Variants in ARHGAP15 observed in about 807,000 individuals in gnomAD.
ARHGAP15 encodes rho GTPase-activating protein 15.
Under a neutral mutation model 63.7 loss-of-function variants are expected in ARHGAP15, and 51 were observed. That is an observed-to-expected ratio of 0.80 (90% CI 0.64 to 1.01). The LOEUF (loss-of-function observed/expected upper bound fraction) is 1.01. Ranked by LOEUF, ARHGAP15 falls within the 50% of genes least tolerant of loss-of-function variation. ARHGAP15 has a pLI of 0.00. For missense variants in ARHGAP15, 560 were observed against 564.6 expected (o/e 0.99, Z 0.08); for synonymous variants, 191 against 193.8 (o/e 0.99, Z 0.12).
intron 6 of ARHGAP15, among the ~76,000 whole-genome samples, chr2:143,371,078 C>CT (rs1378349898): frequency 6.6e-6 from 1 of 152,136 alleles, no homozygotes; most frequent in Non-Finnish European, 1.5e-5. Flanking sequence ...ATTGTTTTGA[C>CT]TGTAGACACC....
intron 9 of ARHGAP15, among the ~76,000 whole-genome samples, chr2:143,502,123 G>A (rs1370578649): frequency 1.3e-5 from 2 of 152,066 alleles, no homozygotes; most frequent in African/African-American, 4.8e-5. Context: ...AAGACTTTGG[G>A]TTTGGCTGGG....
chr2:143,470,831 CAT>C (rs573629377), intron 8 of ARHGAP15, among the ~76,000 whole-genome samples: 14 of 147,580 alleles, frequency 9.5e-5, no homozygotes, highest in East Asian at 2.0e-4. Context: ...AACAGTTTCG[CAT>C]ATATATATAT....
At position 143,176,116 on chromosome 2, in the gene ARHGAP15, G is replaced by A. The variant is rs543012595; in HGVS notation, c.165+20461G>A. Among the ~76,000 whole-genome samples the A allele has an allele frequency of 3.9e-5, 6 of 152,116 alleles. No homozygotes were observed. The East Asian group carries it at 9.7e-4, about 24-fold the overall frequency. On this transcript the variant is annotated intron_variant, in intron 2 of 13. Transcript: ENST00000295095. Reference sequence around the variant, plus strand: ...CAAAGATTCCTTCAGATCAACAATTGGTCATGTGAGGAAGAGAGATGACTT... The same window carrying A: ...CAAAGATTCCTTCAGATCAACAATTAGTCATGTGAGGAAGAGAGATGACTT...
At position 143,743,361 on chromosome 2, in the gene ARHGAP15, C is replaced by G. The variant is rs531901646; in HGVS notation, c.1245-24628C>G. ...CTCCTTTAGAAGGGGGCTTCCCAGACAGTCATTAAGGTGTAGAGGTAGAAG... is the reference window on the plus strand; with the variant it reads ...CTCCTTTAGAAGGGGGCTTCCCAGAGAGTCATTAAGGTGTAGAGGTAGAAG... On this transcript the variant is annotated intron_variant, in intron 13 of 13. Coordinates refer to ENST00000295095, the MANE Select transcript of ARHGAP15 (RefSeq NM_018460.4). Among the ~76,000 whole-genome samples the G allele has an allele frequency of 3.3e-5, 5 of 152,286 alleles. No individual in the cohort carries two copies. In the East Asian group the frequency reaches 9.6e-4, roughly 29 times the overall value.
Position 143,652,692 on chromosome 2 carries a change from G to T in ARHGAP15, c.1138+28425G>T, listed in dbSNP as rs557105121. Among the ~76,000 whole-genome samples, 6 of 152,018 alleles carry T rather than the reference G, an allele frequency of 3.9e-5. No individual in the cohort carries two copies. In the South Asian group the frequency reaches 1.2e-3, roughly 32 times the overall value. On this transcript the variant is annotated intron_variant, in intron 12 of 13. Transcript: ENST00000295095. ...CATATTCTTAATTCTATTGTAAATT[G>T]TATCCTTATTTCATTTCCTGCTTGT...
chr2:143,687,837 C>G (rs1261590736), intron 12 of ARHGAP15, among the ~76,000 whole-genome samples: 2 of 152,096 alleles, frequency 1.3e-5, no homozygotes, highest in African/African-American at 4.8e-5. Context: ...ATCCATACTC[C>G]TATTATTTAA....
intron 12 of ARHGAP15, among the ~76,000 whole-genome samples, chr2:143,671,996 G>T (rs1291986999): frequency 6.6e-6 from 1 of 152,132 alleles, no homozygotes; most frequent in African/African-American, 2.4e-5. Flanking sequence ...AAGGTTTTAT[G>T]TATAAAACAG....
At chr2:143,139,820 G>A (rs1207681505) in intron 1 of ARHGAP15, among the ~76,000 whole-genome samples, 1 of 152,056 alleles carries the variant, frequency 6.6e-6, no homozygotes, top group Non-Finnish European at 1.5e-5. Context: ...AGCACAAGCT[G>A]GGAAGTCAGA....
chr2:143,516,999 G>C (rs1693852127), intron 9 of ARHGAP15, among the ~76,000 whole-genome samples: 2 of 152,106 alleles, frequency 1.3e-5, no homozygotes, highest in Non-Finnish European at 2.9e-5. Flanking sequence ...GCCAGGCCTG[G>C]AGGGCAGTGG....
At position 143,270,691 on chromosome 2, in the gene ARHGAP15, A is replaced by T. The variant is rs905716700; in HGVS notation, c.474+20091A>T. ...TAGTATTACTGTTTTAGTTATTTTA[A>T]ACATATAATTTATTATAACTACTAG... On this transcript the variant is annotated intron_variant, in intron 6 of 13. Transcript: ENST00000295095. Among the ~76,000 whole-genome samples, 6 of 152,154 alleles carry T rather than the reference A, an allele frequency of 3.9e-5. No homozygotes were observed. The East Asian group carries it at 1.2e-3, about 29-fold the overall frequency.
chr2:143,212,676 A>G (rs968726796), intron 3 of ARHGAP15, among the ~76,000 whole-genome samples: 1 of 152,150 alleles, frequency 6.6e-6, no homozygotes. Flanking sequence ...GTCCCTTCAA[A>G]CCATGGGATT....
chr2:143,226,867 T>A (rs965697992), intron 4 of ARHGAP15, among the ~76,000 whole-genome samples: 1 of 152,234 alleles, frequency 6.6e-6, no homozygotes, highest in Non-Finnish European at 1.5e-5. Context: ...ACCTAATTCT[T>A]TTTGTAAATA....
chr2:143,571,107 A>G (rs573177807), intron 11 of ARHGAP15, among the ~76,000 whole-genome samples: 1 of 152,326 alleles, frequency 6.6e-6, no homozygotes, highest in South Asian at 2.1e-4. Flanking sequence ...CATGCTCCTT[A>G]TGAGAATCTA....
intron 2 of ARHGAP15, among the ~76,000 whole-genome samples, chr2:143,177,258 G>T (rs1224418190): frequency 6.6e-6 from 1 of 152,194 alleles, no homozygotes; most frequent in East Asian, 1.9e-4. Flanking sequence ...AAGTGGGTAA[G>T]ATGAGAGCCG....
intron 12 of ARHGAP15, among the ~76,000 whole-genome samples, chr2:143,683,287 G>A (rs1256341800): frequency 6.6e-6 from 1 of 151,520 alleles, no homozygotes; most frequent in Non-Finnish European, 1.5e-5. Context: ...ATGGGGATTT[G>A]ATGAGCAAAA....
chr2:143,264,885 A>C (rs1363179256), intron 6 of ARHGAP15, among the ~76,000 whole-genome samples: 2 of 152,150 alleles, frequency 1.3e-5, no homozygotes, highest in Admixed American at 6.5e-5. Context: ...ATTACCAAGC[A>C]CTAGCTCCAT....
At chr2:143,298,223 T>A (rs753815446) in intron 6 of ARHGAP15, among the ~76,000 whole-genome samples, 3 of 151,970 alleles carry the variant, frequency 2.0e-5, no homozygotes, top group Non-Finnish European at 4.4e-5. Context: ...TGTATTGCTA[T>A]AGAGATATTA....
At chr2:143,505,974 T>C (rs115041364) in intron 9 of ARHGAP15, among the ~76,000 whole-genome samples, 1,755 of 152,332 alleles carry the variant, frequency 0.012, 7 homozygotes, top group Non-Finnish European at 0.018. Context: ...GACTCCATTA[T>C]TGATATTCAA....
chr2:143,739,688 CTCTTA>C (rs576084699), intron 13 of ARHGAP15, among the ~76,000 whole-genome samples: 110 of 152,294 alleles, frequency 7.2e-4, no homozygotes, highest in Non-Finnish European at 1.4e-3. Context: ...GGCCAATGTT[CTCTTA>C]TCTTGACAAT....
Sources: gnomAD v4.1 joint callset for allele counts (sites outside exome capture counted in the v4.1 genomes callset) on GRCh38, gnomAD v4.1.1 for gene constraint, MANE v1.5 for transcripts, NCBI Gene and HGNC (gene_info 2026-07-23, HGNC 2026-07-21) for gene names.